Variants in SI observed in about 807,000 individuals in gnomAD.
The protein encoded by SI is sucrase-isomaltase, intestinal.
Under a neutral mutation model 253.3 loss-of-function variants are expected in SI, and 235 were observed. The observed-to-expected ratio is 0.93, with a 90% CI of 0.83 to 1.03. The LOEUF is 1.03. Among genes scored for constraint, SI ranks in the 50% least tolerant of loss-of-function variants. The pLI, the probability that SI is intolerant of heterozygous loss-of-function variation, is 0.00. For missense variants in SI, 2,442 were observed against 2,211.1 expected (o/e 1.10, Z -2.09); for synonymous variants, 819 against 712.0 (o/e 1.15, Z -2.39).
intron 12 of SI, among the ~76,000 whole-genome samples, chr3:165,056,264 C>A (rs1204791699): frequency 6.6e-6 from 1 of 151,816 alleles, no homozygotes; most frequent in Non-Finnish European, 1.5e-5. Flanking sequence ...AAAAGGAGTT[C>A]ATAATTATTT....
intron 25 of SI, among the ~76,000 whole-genome samples, chr3:165,029,348 C>T (rs957548052): frequency 6.6e-6 from 1 of 150,618 alleles, no homozygotes. Flanking sequence ...TAAACTAGTA[C>T]AACCACTATG....
chr3:165,043,059 T>A lies in SI; in HGVS notation c.2004A>T (p.Glu668Asp). The A allele has an allele frequency of 6.4e-7, 1 of 1,572,588 alleles. No homozygotes were observed. Among genetic ancestry groups the A allele is most frequent in the Non-Finnish European group, 8.8e-7 (1 of 1,142,612 alleles). The change falls in exon 17 of 48, where the codon GAA becomes GAT. Residue 668 changes from glutamate to aspartate, a missense_variant and splice_region_variant. Physicochemically the swap from Glu to Asp is conservative, Grantham distance 45 (BLOSUM62 2). Transcript: ENST00000264382. ...AACATGGAGAACAAGAGGCTCTTAC[T>A]TCATATCCGTCAGAATTATGGTTTC... Reference protein sequence around the residue: ...FSRNHNSDGYEHQDPAFFGQN... With the variant: ...FSRNHNSDGYDHQDPAFFGQN...
Position 165,009,282 on chromosome 3 carries a change from C to A in SI, c.4176G>T (p.Trp1392Cys), listed in dbSNP as rs775256983. Residue 1392 changes from tryptophan (W) to cysteine (C), a missense_variant, in exon 35 of 48, where the codon TGG (tryptophan) becomes TGT (cysteine). Trp to Cys is a radical substitution (Grantham distance 215). Transcript: ENST00000264382. ...YNEKMKFDGLWIDMNEPSSFV... is the reference protein window; with the variant it reads ...YNEKMKFDGLCIDMNEPSSFV... ...AGATTGTTCAAAGCTTACTTACAAT[C>A]CACAAACCATCAAACTTCATCTTTT... The A allele has an allele frequency of 1.3e-6, 2 of 1,592,890 alleles. No homozygotes were observed. The highest frequency in any genetic ancestry group is 1.7e-6 in the Non-Finnish European group (2 of 1,160,884).
chr3:165,075,788 TA>T, intron 2 of SI, 106 bp downstream of exon 2: 1 of 674,750 alleles, frequency 1.5e-6, no homozygotes, highest in Non-Finnish European at 2.7e-6. Flanking sequence ...GATTTTTCTA[TA>T]AGTGTTTCAT....
intron 13 of SI, among the ~76,000 whole-genome samples, chr3:165,052,889 G>A (rs1356315261): frequency 1.3e-5 from 2 of 151,950 alleles, no homozygotes; most frequent in Admixed American, 6.6e-5. Context: ...ATTTGGATAT[G>A]TAAACTTATT....
At chr3:165,086,770 A>G in the SI span, among the ~76,000 whole-genome samples, 2 of 152,206 alleles carry the variant, frequency 1.3e-5, no homozygotes, top group African/African-American at 4.8e-5. Flanking sequence ...GCAGATGGGC[A>G]TTAATGCCAT....
chr3:165,013,859 T>C (rs1251867354), intron 33 of SI, among the ~76,000 whole-genome samples: 3 of 152,096 alleles, frequency 2.0e-5, no homozygotes, highest in Non-Finnish European at 4.4e-5. Context: ...CTCAAGTAGC[T>C]GGGGCTACAG....
At chr3:165,024,743 A>T (rs1203800914) in intron 25 of SI, among the ~76,000 whole-genome samples, 1 of 151,194 alleles carries the variant, frequency 6.6e-6, no homozygotes, top group Admixed American at 6.6e-5. Flanking sequence ...TCATTTTTTT[A>T]GAGTAAATGT....
rs144206255 is a variant in SI at position 164,982,291 on chromosome 3, A to G, written c.5367T>C (p.Tyr1789=). 656 of 1,613,054 alleles carry G rather than the reference A, an allele frequency of 4.1e-4. 1 individual carries two copies. The highest frequency in any genetic ancestry group is 5.3e-4 in the Non-Finnish European group (624 of 1,179,478). ...TTPVNAVTLT[Y]NGNKNSLPFN... is the part of the protein sequence containing the mutation. ...AAGGAAGCGAATTTTTATTTCCGTTATACGTTAGAGTAACTGCATTGACAG... is the reference window on the plus strand; with the variant it reads ...AAGGAAGCGAATTTTTATTTCCGTTGTACGTTAGAGTAACTGCATTGACAG... The change falls in exon 47 of 48, where the codon TAT becomes TAC. Residue 1789 remains tyrosine (Y), a synonymous_variant. Coordinates refer to ENST00000264382, the MANE Select transcript of SI (RefSeq NM_001041.4).
At position 165,017,858 on chromosome 3, in the gene SI, G is replaced by T; in HGVS notation, c.3536C>A (p.Pro1179Gln). The change falls in exon 30 of 48, where the codon CCA becomes CAA. Residue 1179 changes from proline (P) to glutamine (Q), a missense_variant. Pro to Gln is a moderately conservative substitution (Grantham distance 76). Coordinates refer to ENST00000264382, the MANE Select transcript of SI (RefSeq NM_001041.4). The stretch of plus-strand genomic sequence containing the variant: ...TGTACGGTAAGTTAGAGCAGGAGTT[G>T]GCTGGAATGTAACATCTGGAAATCC... Reference protein sequence around the residue: ...NSNAMDVTFQPTPALTYRTVG... With the variant: ...NSNAMDVTFQQTPALTYRTVG... 1 of 1,612,484 alleles carries T rather than the reference G, an allele frequency of 6.2e-7. No homozygotes were observed. Among genetic ancestry groups the T allele is most frequent in the Non-Finnish European group, 8.5e-7 (1 of 1,178,962 alleles).
chr3:165,039,270 A>G (rs1293630330), intron 19 of SI, 136 bp from the exon 20 acceptor site: 5 of 625,478 alleles, frequency 8.0e-6, no homozygotes, highest in Non-Finnish European at 1.4e-5. Flanking sequence ...ATAGATAATA[A>G]TCAAAGGGCT....
chr3:164,997,441 T>C (rs1718061243), intron 38 of SI, among the ~76,000 whole-genome samples: 1 of 141,552 alleles, frequency 7.1e-6, no homozygotes. Flanking sequence ...TCGAAATGTT[T>C]CTTTTTTTTT....
intron 16 of SI, among the ~76,000 whole-genome samples, chr3:165,045,567 A>T (rs762317419): frequency 6.6e-6 from 1 of 151,850 alleles, no homozygotes; most frequent in Non-Finnish European, 1.5e-5. Context: ...TTTTGTTTAC[A>T]TTGTATTAAT....
At chr3:165,026,078 C>A (rs1184650835) in intron 25 of SI, among the ~76,000 whole-genome samples, 2 of 151,138 alleles carry the variant, frequency 1.3e-5, no homozygotes, top group African/African-American at 4.8e-5. Flanking sequence ...CTATCTGCTG[C>A]CTCCAAGAGA....
At position 165,017,982 on chromosome 3, in the gene SI, T is replaced by C. The variant is rs1257663376; in HGVS notation, c.3508A>G (p.Ser1170Gly). The change falls in exon 29 of 48, where the codon AGC (serine) becomes GGC (glycine). Residue 1170 changes from serine (S) to glycine (G), a missense_variant. Coordinates refer to ENST00000264382, the MANE Select transcript of SI (RefSeq NM_001041.4). ...ATGATTGTTTTACCCATTGCATTGC[T>C]GTTGAGTAAGAAAACACCATGAGCA... ...GNAHGVFLLN[S>G]NAMDVTFQPT... is the part of the protein sequence containing the mutation. The C allele has an allele frequency of 6.2e-7, 1 of 1,609,014 alleles. No homozygotes were observed. The highest frequency in any genetic ancestry group is 8.5e-7 in the Non-Finnish European group (1 of 1,175,584).
the SI span, among the ~76,000 whole-genome samples, chr3:165,088,090 A>G: frequency 6.6e-6 from 1 of 152,194 alleles, no homozygotes; most frequent in Non-Finnish European, 1.5e-5. Flanking sequence ...TCACACCTGT[A>G]ATCCCAGCAC....
intron 44 of SI, 50 bp from the exon 45 acceptor site, chr3:164,987,276 G>T (rs1436181050): frequency 1.4e-6 from 2 of 1,435,594 alleles, no homozygotes; most frequent in African/African-American, 1.4e-5. Flanking sequence ...AATAGCATAT[G>T]TCTAGTTATG....
chr3:165,086,314 GA>G, the SI span, among the ~76,000 whole-genome samples: 1 of 152,054 alleles, frequency 6.6e-6, no homozygotes, highest in Non-Finnish European at 1.5e-5. Flanking sequence ...CATAATACAT[GA>G]ACCTAATGAG....
intron 21 of SI, 117 bp from the exon 22 acceptor site, chr3:165,036,594 A>G: frequency 1.6e-6 from 1 of 641,244 alleles, no homozygotes; most frequent in Non-Finnish European, 2.8e-6. Context: ...CAGTAAGGAC[A>G]TTGACATCAA....
Sources: gnomAD v4.1 joint callset for allele counts (sites outside exome capture counted in the v4.1 genomes callset) on GRCh38, gnomAD v4.1.1 for gene constraint, MANE v1.5 for transcripts, NCBI Gene and HGNC (gene_info 2026-07-23, HGNC 2026-07-21) for gene names.